The following ARHGAP8 variants were observed in gnomAD, a reference collection of about 807,000 sequenced individuals.
ARHGAP8 encodes Rho GTPase activating protein 8.
ARHGAP8 carries 62 observed loss-of-function variants against 46.1 expected under a neutral mutation model. That is an observed-to-expected ratio of 1.34 (90% confidence interval 1.10 to 1.66). The LOEUF (loss-of-function observed/expected upper bound fraction) is 1.66, where lower values mean the gene tolerates loss of function less well. Ranked by LOEUF, ARHGAP8 falls within the 40% of genes most tolerant of loss-of-function variation. The pLI, the probability that ARHGAP8 is intolerant of heterozygous loss-of-function variation, is 0.00. For missense variants in ARHGAP8, 923 were observed against 568.4 expected, an observed-to-expected ratio of 1.62 and a Z score of -6.34; for synonymous variants, 375 against 243.1, an observed-to-expected ratio of 1.54 and a Z score of -5.05.
At chr22:44,770,684 G>A (rs1313876020) in intron 1 of ARHGAP8, among the ~76,000 whole-genome samples, 1 of 152,178 alleles carries the variant, frequency 6.6e-6, no homozygotes, top group Non-Finnish European at 1.5e-5. Flanking sequence ...GGGATTACAG[G>A]CATGTGCCAC....
chr22:44,858,369 GTTTTT>G (rs67748773), intron 10 of ARHGAP8, among the ~76,000 whole-genome samples: 10 of 142,018 alleles, frequency 7.0e-5, no homozygotes, highest in African/African-American at 1.6e-4. Context: ...GTTGGTGGTG[GTTTTT>G]TTTTTTTTTT....
intron 7 of ARHGAP8, 84 bp from the exon 8 acceptor site, chr22:44,845,185 T>C: frequency 6.5e-7 from 1 of 1,535,016 alleles, no homozygotes. Context: ...TTCACAGGGG[T>C]GTGGAGAGGA....
chr22:44,809,427 GTTTCT>G, intron 4 of ARHGAP8: 1 of 350,262 alleles, frequency 2.9e-6, no homozygotes, highest in Non-Finnish European at 5.6e-6. Flanking sequence ...CTGCATGACC[GTTTCT>G]TCACTAAAGC....
chr22:44,790,777 G>C (rs888006847), intron 2 of ARHGAP8, among the ~76,000 whole-genome samples: 5 of 145,100 alleles, frequency 3.4e-5, no homozygotes, highest in African/African-American at 1.3e-4. Context: ...CTCTCTCCCA[G>C]GCTGGAGTGC....
At chr22:44,814,638 G>A (rs1466830706) in intron 4 of ARHGAP8, 34 bp from the exon 5 acceptor site, 2 of 1,597,558 alleles carry the variant, frequency 1.3e-6, no homozygotes, top group Non-Finnish European at 1.7e-6. Context: ...TCGGAGCGCG[G>A]CAGCCTGAAG....
rs137866920 is a variant in ARHGAP8 at position 44,861,805 on chromosome 22, G to A, written c.982-470G>A. ...CCGTGCTGGGGTTGCACGTGTTGGC[G>A]GAGATGGACAAGGAGCCCCTTCTAG... On this transcript the variant is annotated intron_variant, in intron 11 of 11. Transcript: ENST00000356099. Among the ~76,000 whole-genome samples, 1,267 of 152,280 alleles carry A rather than the reference G, an allele frequency of 8.3e-3. 13 individuals carry two copies. The highest frequency in any genetic ancestry group is 0.026 in the African/African-American group (1,084 of 41,554).
chr22:44,780,272 T>C (rs4594555), intron 1 of ARHGAP8, among the ~76,000 whole-genome samples: 5 of 151,868 alleles, frequency 3.3e-5, no homozygotes, highest in Admixed American at 1.3e-4. Context: ...CAAGAGGATC[T>C]CTTGAGCCCA....
intron 7 of ARHGAP8, among the ~76,000 whole-genome samples, chr22:44,830,698 A>AGC (rs1930886044): frequency 6.6e-6 from 1 of 151,734 alleles, no homozygotes; most frequent in African/African-American, 2.4e-5. Flanking sequence ...CACCATGCCC[A>AGC]ACTAATTTTT....
At chr22:44,795,823 G>T (rs1602186994) in intron 2 of ARHGAP8, among the ~76,000 whole-genome samples, 1 of 152,012 alleles carries the variant, frequency 6.6e-6, no homozygotes, top group Non-Finnish European at 1.5e-5. Flanking sequence ...CCAGTCTGGG[G>T]GGCTGCTCCT....
chr22:44,823,149 C>G (rs1020948939), intron 6 of ARHGAP8, among the ~76,000 whole-genome samples: 1 of 152,122 alleles, frequency 6.6e-6, no homozygotes, highest in African/African-American at 2.4e-5. Flanking sequence ...AACTTCTCTC[C>G]GGACGCCAAG....
chr22:44,762,328 CGGGAGGCTGAGGT>C (rs750596384), intron 1 of ARHGAP8, among the ~76,000 whole-genome samples: 3 of 152,052 alleles, frequency 2.0e-5, no homozygotes, highest in Non-Finnish European at 4.4e-5. Context: ...CTCAGCTACT[CGGGAGGCTGAGGT>C]GGGAGGATCG....
intron 8 of ARHGAP8, 63 bp from the exon 9 acceptor site, chr22:44,847,910 A>C: frequency 6.3e-7 from 1 of 1,595,002 alleles, no homozygotes; most frequent in Non-Finnish European, 8.5e-7. Flanking sequence ...GGAGTGTCAT[A>C]TAATGTCCTG....
At chr22:44,833,859 TTTC>T (rs1931117860) in intron 7 of ARHGAP8, among the ~76,000 whole-genome samples, 2 of 152,190 alleles carry the variant, frequency 1.3e-5, no homozygotes, top group Non-Finnish European at 2.9e-5. Flanking sequence ...AGATTTTATA[TTTC>T]TTCTTGAGTC....
At chr22:44,837,768 G>A (rs532768747) in intron 7 of ARHGAP8, among the ~76,000 whole-genome samples, 12 of 152,218 alleles carry the variant, frequency 7.9e-5, no homozygotes, top group East Asian at 3.9e-4. Flanking sequence ...ATTCGATGCC[G>A]GGGCCCTGTT....
chr22:44,768,637 G>A (rs1244557537), intron 1 of ARHGAP8, among the ~76,000 whole-genome samples: 1 of 151,948 alleles, frequency 6.6e-6, no homozygotes, highest in East Asian at 1.9e-4. Context: ...CTTGGACCTA[G>A]GGGTATTTCC....
chr22:44,859,521 A>G, intron 10 of ARHGAP8: 3 of 592,562 alleles, frequency 5.1e-6, no homozygotes, highest in South Asian at 4.1e-5. Context: ...CTTTTCTTAT[A>G]AATAACCCCA....
chr22:44,781,879 G>C (rs1926871753), intron 1 of ARHGAP8, among the ~76,000 whole-genome samples: 1 of 151,502 alleles, frequency 6.6e-6, no homozygotes, highest in East Asian at 1.9e-4. Flanking sequence ...GTGTTGCCCA[G>C]GCTGGAGTGC....
chr22:44,802,564 G>T (rs1928633304), intron 3 of ARHGAP8, among the ~76,000 whole-genome samples: 1 of 152,194 alleles, frequency 6.6e-6, no homozygotes, highest in Non-Finnish European at 1.5e-5. Flanking sequence ...CACCTTCAGA[G>T]CTGTGTGAGT....
chr22:44,831,433 C>T (rs536112681), intron 7 of ARHGAP8, among the ~76,000 whole-genome samples: 11 of 152,286 alleles, frequency 7.2e-5, no homozygotes, highest in African/African-American at 1.4e-4. Flanking sequence ...GGGTGGCTCA[C>T]GCCTATAATC....
Sources: allele counts gnomAD v4.1 joint callset (sites outside exome capture counted in the v4.1 genomes callset), GRCh38; gene constraint gnomAD v4.1.1; transcripts MANE v1.5; gene names NCBI Gene and HGNC (gene_info 2026-07-23, HGNC 2026-07-21).